CFTR: variants seen among roughly 807,000 people sequenced by gnomAD.
CFTR encodes the protein cystic fibrosis transmembrane conductance regulator.
CFTR carries 181 observed loss-of-function variants against 171.6 expected under a neutral mutation model. The ratio of observed to expected loss-of-function variants is 1.05; its 90% CI spans 0.93 to 1.19. The LOEUF is 1.19. Ranked by LOEUF, CFTR falls within the 50% of genes most tolerant of loss-of-function variation. The pLI, the probability that CFTR is intolerant of heterozygous loss-of-function variation, is 0.00. For synonymous variants in CFTR, 583 were observed against 608.0 expected (o/e 0.96, Z 0.60); for missense variants, 1,968 against 1,734.7 (o/e 1.13, Z -2.39).
At chr7:117,657,587 A>G (rs1793203192) in intron 24 of CFTR, among the ~76,000 whole-genome samples, 1 of 152,256 alleles carries the variant, frequency 6.6e-6, no homozygotes, top group African/African-American at 2.4e-5. Context: ...TTGTCCAAAC[A>G]GGACATTTTT....
At chr7:117,566,811 C>A (rs1164060453) in intron 11 of CFTR, among the ~76,000 whole-genome samples, 1 of 152,194 alleles carries the variant, frequency 6.6e-6, no homozygotes, top group Non-Finnish European at 1.5e-5. Context: ...GTGACAACTT[C>A]ACCCAGAGTT....
intron 20 of CFTR, among the ~76,000 whole-genome samples, chr7:117,612,142 G>A (rs556397370): frequency 2.7e-5 from 4 of 147,322 alleles, no homozygotes; most frequent in Admixed American, 6.9e-5. Flanking sequence ...GATTGAAGGG[G>A]AAATATGTCA....
chr7:117,517,936 A>G (rs1247811781), intron 3 of CFTR, among the ~76,000 whole-genome samples: 1 of 152,044 alleles, frequency 6.6e-6, no homozygotes, highest in Non-Finnish European at 1.5e-5. Context: ...AGTTCCTTGT[A>G]GATTTTGGAT....
intron 9 of CFTR, among the ~76,000 whole-genome samples, chr7:117,544,694 A>G (rs994937396): frequency 2.6e-5 from 4 of 152,172 alleles, no homozygotes; most frequent in African/African-American, 9.7e-5. Context: ...AAATATTTTC[A>G]AGTTAAACAA....
chr7:117,599,355 C>T lies in CFTR; in HGVS notation c.2620-3471C>T, dbSNP rs139800266. Among the ~76,000 whole-genome samples, 46 of 152,218 alleles carry T rather than the reference C, an allele frequency of 3.0e-4. No individual in the cohort carries two copies. In the East Asian group the frequency reaches 7.7e-3, roughly 26 times the overall value. On this transcript the variant is annotated intron_variant, in intron 15 of 26. Coordinates refer to ENST00000003084, the MANE Select transcript of CFTR (RefSeq NM_000492.4). Reference sequence around the variant, plus strand: ...GCAGCTCCATGGAGTTGAACTTATGCACCTTTAAAATGGTATATACTTAAT... The same window carrying T: ...GCAGCTCCATGGAGTTGAACTTATGTACCTTTAAAATGGTATATACTTAAT...
rs779083060 is a variant in CFTR at position 117,486,010 on chromosome 7, A to C, written c.53+5863A>C. Among the ~76,000 whole-genome samples, 16 of 152,156 alleles carry C rather than the reference A, an allele frequency of 1.1e-4. No individual in the cohort carries two copies. Among genetic ancestry groups the C allele is most frequent in the Non-Finnish European group, 1.8e-4 (12 of 68,024 alleles). On this transcript the variant is annotated intron_variant, in intron 1 of 26. Coordinates refer to ENST00000003084, the MANE Select transcript of CFTR (RefSeq NM_000492.4). ...GCAGTGCTGGCATCATTTTGATAAA[A>C]AGGGGTCAAAGCAAGTGGGACTGTG...
intron 24 of CFTR, among the ~76,000 whole-genome samples, chr7:117,664,436 G>A (rs968790735): frequency 1.2e-4 from 18 of 152,162 alleles, no homozygotes; most frequent in Non-Finnish European, 5.9e-5. Context: ...TACCTGGCAC[G>A]TAATAGACAC....
intron 11 of CFTR, among the ~76,000 whole-genome samples, chr7:117,578,185 C>T (rs569541808): frequency 9.2e-5 from 14 of 151,866 alleles, no homozygotes; most frequent in African/African-American, 1.2e-4. Flanking sequence ...TCCACTTACA[C>T]GTATTTTTTT....
intron 15 of CFTR, among the ~76,000 whole-genome samples, chr7:117,601,811 TAGAAC>T (rs1196494849): frequency 1.3e-5 from 2 of 152,156 alleles, no homozygotes; most frequent in African/African-American, 4.8e-5. Flanking sequence ...CAAATTGAAA[TAGAAC>T]AGAGCACAGA....
At chr7:117,571,704 T>C (rs1791692184) in intron 11 of CFTR, among the ~76,000 whole-genome samples, 2 of 152,174 alleles carry the variant, frequency 1.3e-5, no homozygotes, top group Admixed American at 1.3e-4. Context: ...CTTTTAAAAA[T>C]GCTTGAGTTA....
chr7:117,667,726 G>C lies in CFTR; in HGVS notation c.*618G>C, dbSNP rs562606012. On this transcript the variant is annotated 3_prime_UTR_variant, in exon 27 of 27. Coordinates refer to ENST00000003084, the MANE Select transcript of CFTR (RefSeq NM_000492.4). ...CCATTCAACATCTAGTGAGCAGTCA[G>C]GAAAGAGAACTTCCAGATCCTGGAA... The C allele has an allele frequency of 1.2e-5, 2 of 164,920 alleles. No homozygotes were observed. Among genetic ancestry groups the C allele is most frequent in the East Asian group, 3.4e-4 (2 of 5,934 alleles). The allele number at this position is 164,920 out of a possible 1,614,324, so 10.2% of individuals were successfully genotyped here. A position where few individuals can be genotyped will look rare whatever the true frequency, so the allele number is the denominator to read the frequency against.
At chr7:117,518,625 C>T (rs1045606012) in intron 3 of CFTR, among the ~76,000 whole-genome samples, 39 of 149,826 alleles carry the variant, frequency 2.6e-4, no homozygotes, top group Middle Eastern at 7.0e-3. Flanking sequence ...GAGACAGGGT[C>T]TCATCATGTT....
chr7:117,589,313 G>A (rs537122032), intron 12 of CFTR, among the ~76,000 whole-genome samples: 42 of 151,946 alleles, frequency 2.8e-4, no homozygotes, highest in African/African-American at 1.0e-3. Flanking sequence ...CACTATAAAG[G>A]TTGTTTTAGA....
At chr7:117,640,871 C>T (rs1792901551) in intron 22 of CFTR, among the ~76,000 whole-genome samples, 1 of 152,146 alleles carries the variant, frequency 6.6e-6, no homozygotes, top group Non-Finnish European at 1.5e-5. Flanking sequence ...TTCCATCTGG[C>T]TATCCCTTAG....
At chr7:117,512,313 A>G (rs1798531258) in intron 3 of CFTR, among the ~76,000 whole-genome samples, 1 of 152,166 alleles carries the variant, frequency 6.6e-6, no homozygotes, top group African/African-American at 2.4e-5. Context: ...AGATAGATGC[A>G]ACATTGTCTT....
rs184952101 is a variant in CFTR at position 117,500,134 on chromosome 7, C to T, written c.54-4119C>T. Among the ~76,000 whole-genome samples, 224 of 151,856 alleles carry T rather than the reference C, an allele frequency of 1.5e-3. 1 individual carries two copies. Among genetic ancestry groups the T allele is most frequent in the African/African-American group, 5.3e-3 (220 of 41,464 alleles). On this transcript the variant is annotated intron_variant, in intron 1 of 26. Transcript: ENST00000003084. ...TAGGTTTAATATACTCAGGGTTTTT[C>T]AAAAGAAAGGGTGGCTGGAGTTTTG...
At chr7:117,485,122 T>C (rs1798054509) in intron 1 of CFTR, among the ~76,000 whole-genome samples, 1 of 152,210 alleles carries the variant, frequency 6.6e-6, no homozygotes, top group African/African-American at 2.4e-5. Context: ...CTTGAGTGAG[T>C]ACTGCTATAA....
intron 11 of CFTR, among the ~76,000 whole-genome samples, chr7:117,580,729 A>G (rs1562904551): frequency 6.6e-6 from 1 of 152,134 alleles, no homozygotes; most frequent in Non-Finnish European, 1.5e-5. Flanking sequence ...GAGCAAGTGA[A>G]TTCAAGCACA....
At chr7:117,612,027 A>ATATATATATATATATATATATATGTG (rs1792404586) in intron 20 of CFTR, among the ~76,000 whole-genome samples, 2 of 66,006 alleles carry the variant, frequency 3.0e-5, no homozygotes, top group Non-Finnish European at 6.0e-5. Flanking sequence ...ATATATGTAT[A>ATATATATATATATATATATATATGTG]TATATATATA....
Sources: allele counts gnomAD v4.1 joint callset (sites outside exome capture counted in the v4.1 genomes callset), GRCh38; gene constraint gnomAD v4.1.1; transcripts MANE v1.5; gene names NCBI Gene and HGNC (gene_info 2026-07-23, HGNC 2026-07-21).